BRPF3: variants seen among roughly 807,000 people sequenced by gnomAD.
BRPF3 encodes bromodomain and PHD finger containing 3, also known as bromodomain and PHD finger-containing protein 3.
A neutral mutation model predicts 102.0 loss-of-function variants in BRPF3; 18 were observed. The ratio of observed to expected loss-of-function variants is 0.18; its 90% CI spans 0.12 to 0.26. The LOEUF is 0.26. Ranked by LOEUF, BRPF3 falls within the 10% of genes least tolerant of loss-of-function variation. BRPF3 has a pLI of 1.00. For synonymous variants in BRPF3, 570 were observed against 614.2 expected, an observed-to-expected ratio of 0.93 and a Z score of 1.06; for missense variants, 1,147 against 1,567.8, an observed-to-expected ratio of 0.73 and a Z score of 4.53.
Position 36,210,492 on chromosome 6 carries a change from A to G in BRPF3, c.2143A>G (p.Lys715Glu), listed in dbSNP as rs1283514819. The G allele has an allele frequency of 6.2e-6, 10 of 1,601,372 alleles. No individual in the cohort carries two copies. The highest frequency in any genetic ancestry group is 8.5e-6 in the Non-Finnish European group (10 of 1,179,068). Residue 715 changes from lysine (K) to glutamate (E), a missense_variant, in exon 6 of 13, where the codon AAA becomes GAA. Coordinates refer to ENST00000357641, the MANE Select transcript of BRPF3 (RefSeq NM_015695.3). The surrounding 1 kb of genome is among the most constrained non-coding windows in gnomAD (Gnocchi z 4.7). ...GGGCACTCACCTGCCCGAGTCACCC[A>G]AATTGGAAGACTTTTACCGCTTCTC... ...ERGTHLPESP[K>E]LEDFYRFSWE...
At position 36,201,688 on chromosome 6, in the gene BRPF3, A is replaced by G; in HGVS notation, c.1366A>G (p.Ile456Val). The G allele has an allele frequency of 1.2e-6, 2 of 1,614,170 alleles. No homozygotes were observed. Among genetic ancestry groups the G allele is most frequent in the Middle Eastern group, 1.6e-4 (1 of 6,062 alleles). Residue 456 changes from isoleucine (I) to valine (V), a missense_variant, in exon 2 of 13, where the codon ATC becomes GTC. By Grantham distance (29) the Ile-to-Val change is conservative. This residue lies in a region of BRPF3 where 157 missense variants were observed against 163.6 expected (regional missense o/e 0.96). Coordinates refer to ENST00000357641, the MANE Select transcript of BRPF3 (RefSeq NM_015695.3). The surrounding 1 kb of genome is among the most constrained non-coding windows in gnomAD (Gnocchi z 5.1). Reference protein sequence around the residue: ...KKSKMSLKQKIKKEPEEAGQD... With the variant: ...KKSKMSLKQKVKKEPEEAGQD... ...AAGCAAGATGAGTTTGAAGCAGAAG[A>G]TCAAGAAGGAGCCAGAGGAAGCAGG...
intron 9 of BRPF3, among the ~76,000 whole-genome samples, chr6:36,221,398 T>TG (rs1314893446): frequency 6.6e-6 from 1 of 151,188 alleles, no homozygotes; most frequent in East Asian, 2.0e-4. Flanking sequence ...GTGATTCTCC[T>TG]GCCTCAGCCT....
chr6:36,225,543 A>G (rs748251018), intron 11 of BRPF3, among the ~76,000 whole-genome samples, 179 bp downstream of exon 11: 12 of 152,208 alleles, frequency 7.9e-5, no homozygotes, highest in Non-Finnish European at 1.2e-4. Context: ...TGGAGCACTA[A>G]AAATAGGCTA....
chr6:36,221,105 A>G (rs1425264282), intron 9 of BRPF3, among the ~76,000 whole-genome samples: 1 of 152,158 alleles, frequency 6.6e-6, no homozygotes, highest in Non-Finnish European at 1.5e-5. Flanking sequence ...CCCAGAAGCT[A>G]CGGTGTACAT....
chr6:36,223,580 A>G (rs1581987831), intron 10 of BRPF3, among the ~76,000 whole-genome samples: 1 of 152,314 alleles, frequency 6.6e-6, no homozygotes, highest in Admixed American at 6.5e-5. Flanking sequence ...TGCTGACCCA[A>G]ACACATGCAC....
In BRPF3 at chr6:36,211,177, A is replaced by G. The variant is rs1581963126; in HGVS notation, c.2180-81A>G. ...CAGGCATTCCAAGAGAGAGTTTTGC[A>G]TCCGAAGGATTCGGCCCCTTTCTCT... On this transcript the variant is annotated intron_variant, in intron 6 of 12. Coordinates refer to ENST00000357641, the MANE Select transcript of BRPF3 (RefSeq NM_015695.3). 3.5e-6 allele frequency: 5 copies of G among 1,438,100 alleles called. No individual in the cohort carries two copies. In the East Asian group the frequency reaches 9.1e-5, roughly 26 times the overall value. The allele number at this position is 1,438,100 out of a possible 1,614,324, so 89.1% of individuals were successfully genotyped here. A position where few individuals can be genotyped will look rare whatever the true frequency, so the allele number is the denominator to read the frequency against.
At chr6:36,199,744 C>G (rs115302100) in intron 1 of BRPF3, among the ~76,000 whole-genome samples, 1 of 152,232 alleles carries the variant, frequency 6.6e-6, no homozygotes, top group Non-Finnish European at 1.5e-5. Flanking sequence ...CCATGTTACA[C>G]TGTAATAATC....
Position 36,197,151 on chromosome 6 carries a change from G to A in BRPF3, c.-27+181G>A, listed in dbSNP as rs188342388. 37 of 152,738 alleles carry A rather than the reference G, an allele frequency of 2.4e-4. No individual in the cohort carries two copies. In the East Asian group the frequency reaches 4.7e-3, roughly 19 times the overall value. The allele number at this position is 152,738 out of a possible 1,614,324, so 9.5% of individuals were successfully genotyped here. A position where few individuals can be genotyped will look rare whatever the true frequency, so the allele number is the denominator to read the frequency against. On this transcript the variant is annotated intron_variant, in intron 1 of 12. Coordinates refer to ENST00000357641, the MANE Select transcript of BRPF3 (RefSeq NM_015695.3). ...CAGGGAAGGAGAAGGCGGGTGAGCG[G>A]GGGAGCTGAGAAGCGAGGACCCCCT...
At chr6:36,213,561 A>C (rs964037871) in intron 7 of BRPF3, among the ~76,000 whole-genome samples, 1 of 152,024 alleles carries the variant, frequency 6.6e-6, no homozygotes. Flanking sequence ...AGCCTAGCCA[A>C]GTGTGGTGGT....
chr6:36,212,365 G>C (rs907088629), intron 7 of BRPF3, among the ~76,000 whole-genome samples: 2 of 152,054 alleles, frequency 1.3e-5, no homozygotes, highest in Non-Finnish European at 2.9e-5. Flanking sequence ...ATGGATAGGG[G>C]CCCAAATTGT....
At chr6:36,204,608 C>A (rs774595904) in intron 2 of BRPF3, 50 bp from the exon 3 acceptor site, 1 of 1,608,424 alleles carries the variant, frequency 6.2e-7, no homozygotes, top group Admixed American at 1.7e-5. Flanking sequence ...AGGCTGTAAT[C>A]TGGGCTGCCC....
In BRPF3 at chr6:36,214,234, G is replaced by A. The variant is rs745818310; in HGVS notation, c.2837G>A (p.Arg946Lys). ...NGVKLQRSPDRVLENGEDHGV... is the reference protein window; with the variant it reads ...NGVKLQRSPDKVLENGEDHGV... ...GTTAAGCTACAGAGAAGCCCAGACA[G>A]GGTCCTGGAGAATGGCGAGGACCAT... is the stretch of plus-strand genomic sequence containing the variant. Residue 946 changes from arginine (R) to lysine (K), a missense_variant, in exon 8 of 13, where the codon AGG (arginine) becomes AAG (lysine). This residue lies in a region of BRPF3 where 379 missense variants were observed against 426.3 expected (regional missense o/e 0.89). Coordinates refer to ENST00000357641, the MANE Select transcript of BRPF3 (RefSeq NM_015695.3). 6.2e-7 allele frequency: 1 copy of A among 1,614,214 alleles called. No homozygotes were observed. The highest frequency in any genetic ancestry group is 8.5e-7 in the Non-Finnish European group (1 of 1,180,026).
chr6:36,221,086 T>C (rs1024515141), intron 9 of BRPF3, among the ~76,000 whole-genome samples: 1 of 152,202 alleles, frequency 6.6e-6, no homozygotes, highest in African/African-American at 2.4e-5. Flanking sequence ...GCTAGCCATA[T>C]CATTTTTGCC....
At chr6:36,207,531 T>C in intron 4 of BRPF3, 87 bp downstream of exon 4, 1 of 1,503,030 alleles carries the variant, frequency 6.7e-7, no homozygotes, top group Non-Finnish European at 8.9e-7. Flanking sequence ...TGGGAGCCCC[T>C]GCCTTATGCT....
At chr6:36,204,304 C>T (rs940180919) in intron 2 of BRPF3, 9 of 280,196 alleles carry the variant, frequency 3.2e-5, no homozygotes, top group African/African-American at 1.3e-4. Flanking sequence ...TGTTCCCTTT[C>T]GCTGCTTTTA....
chr6:36,204,377 A>G (rs1767830160), intron 2 of BRPF3: 1 of 432,220 alleles, frequency 2.3e-6, no homozygotes, highest in African/African-American at 2.0e-5. Context: ...GGAACAAGGA[A>G]GTCCAGGACC....
intron 9 of BRPF3, among the ~76,000 whole-genome samples, chr6:36,221,902 G>C (rs984002654): frequency 6.6e-6 from 1 of 152,212 alleles, no homozygotes; most frequent in African/African-American, 2.4e-5. Context: ...TTTGGATGAA[G>C]TCCAAGGTTC....
rs942103247 is a variant in BRPF3, at chr6:36,200,380, C to G, written c.58C>G (p.Pro20Ala). The G allele has an allele frequency of 6.2e-7, 1 of 1,614,242 alleles. No individual in the cohort carries two copies. Among genetic ancestry groups the G allele is most frequent in the Non-Finnish European group, 8.5e-7 (1 of 1,180,044 alleles). The change falls in exon 2 of 13, where the codon CCC (proline) becomes GCC (alanine). Residue 20 changes from proline (P) to alanine (A), a missense_variant. Transcript: ENST00000357641. The surrounding 1 kb of genome is among the most constrained non-coding windows in gnomAD (Gnocchi z 5.3). The part of the protein sequence containing the change: ...QNAEGRRSPS[P>A]YSLKCSPTRE... ...TGCCGAGGGCCGGCGTTCCCCGTCC[C>G]CCTACAGTCTCAAGTGCTCACCCAC...
At chr6:36,229,283 A>T (rs1388114797) in intron 12 of BRPF3, among the ~76,000 whole-genome samples, 1 of 152,172 alleles carries the variant, frequency 6.6e-6, no homozygotes, top group Non-Finnish European at 1.5e-5. Flanking sequence ...GAGGCTATTG[A>T]GGAGAGCTGT....
Sources: gnomAD v4.1 joint callset for allele counts (sites outside exome capture counted in the v4.1 genomes callset) on GRCh38, gnomAD v4.1.1 for gene constraint, gnomAD v4.1.1 regional missense constraint, Gnocchi (gnomAD v3.1) non-coding constraint, MANE v1.5 for transcripts, NCBI Gene and HGNC (gene_info 2026-07-23, HGNC 2026-07-21) for gene names.